GRM8: variants seen among roughly 807,000 people sequenced by gnomAD.
GRM8 encodes glutamate metabotropic receptor 8.
In GRM8, 47 loss-of-function variants were observed where a neutral mutation model predicts 87.2. The ratio of observed to expected loss-of-function variants is 0.54; its 90% CI spans 0.43 to 0.69. The LOEUF is 0.69. Ranked by LOEUF, GRM8 falls within the 30% of genes least tolerant of loss-of-function variation. The pLI is 0.00. For missense variants in GRM8, 1,019 were observed against 1,139.2 expected, an observed-to-expected ratio of 0.89 and a Z score of 1.52; for synonymous variants, 396 against 404.5, an observed-to-expected ratio of 0.98 and a Z score of 0.25.
At chr7:126,449,503 G>A (rs1802387211) in intron 9 of GRM8, among the ~76,000 whole-genome samples, 1 of 151,832 alleles carries the variant, frequency 6.6e-6, no homozygotes, top group Non-Finnish European at 1.5e-5. Flanking sequence ...CAGGAGTATA[G>A]GACAAAAGAA....
intron 9 of GRM8, among the ~76,000 whole-genome samples, chr7:126,483,080 ATATAAC>A (rs1806893961): frequency 6.7e-6 from 1 of 148,160 alleles, no homozygotes; most frequent in Non-Finnish European, 1.5e-5. Context: ...TTAGTTACAT[ATATAAC>A]TATATTTATT....
intron 9 of GRM8, among the ~76,000 whole-genome samples, chr7:126,481,155 T>C (rs1806627157): frequency 6.6e-6 from 1 of 151,934 alleles, no homozygotes; most frequent in Non-Finnish European, 1.5e-5. Flanking sequence ...AATAAATAAA[T>C]TGAAGAGAAA....
At chr7:126,476,744 C>T (rs515) in intron 9 of GRM8, among the ~76,000 whole-genome samples, 39 of 151,744 alleles carry the variant, frequency 2.6e-4, no homozygotes, top group Non-Finnish European at 4.1e-4. Flanking sequence ...AAAAAAATAA[C>T]AAATGTTGAC....
chr7:126,775,479 GTTTTTTTTTTTT>G (rs372733476), intron 6 of GRM8, among the ~76,000 whole-genome samples: 1 of 104,748 alleles, frequency 9.5e-6, no homozygotes, highest in Admixed American at 1.1e-4. Context: ...TGACAAATAG[GTTTTTTTTTTTT>G]TTTTTTTTTT....
chr7:126,632,105 T>A (rs1419025576), intron 7 of GRM8, among the ~76,000 whole-genome samples: 2 of 152,006 alleles, frequency 1.3e-5, no homozygotes, highest in African/African-American at 4.8e-5. Context: ...ACCCACAGAA[T>A]GGGAGAAAAT....
intron 6 of GRM8, among the ~76,000 whole-genome samples, chr7:126,810,426 G>T (rs28536013): frequency 0.069 from 10,492 of 152,120 alleles, 1,160 homozygotes; most frequent in African/African-American, 0.23. Flanking sequence ...TACTATAACT[G>T]CACCCATGAC....
At chr7:127,030,925 C>A (rs1817300748) in intron 3 of GRM8, among the ~76,000 whole-genome samples, 1 of 152,106 alleles carries the variant, frequency 6.6e-6, no homozygotes, top group Admixed American at 6.6e-5. Flanking sequence ...TTGGCTGACC[C>A]TCTCTGAAGA....
At chr7:127,158,043 C>T (rs1792851314) in intron 2 of GRM8, among the ~76,000 whole-genome samples, 1 of 151,948 alleles carries the variant, frequency 6.6e-6, no homozygotes, top group Admixed American at 6.6e-5. Flanking sequence ...AACAAACAAC[C>T]CCATCAAAGA....
intron 2 of GRM8, among the ~76,000 whole-genome samples, chr7:127,239,671 T>C (rs1798174675): frequency 6.6e-6 from 1 of 152,240 alleles, no homozygotes; most frequent in South Asian, 2.1e-4. Flanking sequence ...CATCCTAGCA[T>C]ATATGTATAA....
chr7:126,973,555 G>A (rs1276329399), intron 3 of GRM8, among the ~76,000 whole-genome samples: 1 of 152,140 alleles, frequency 6.6e-6, no homozygotes, highest in Non-Finnish European at 1.5e-5. Flanking sequence ...TATTATTGTT[G>A]TTAATTTTAA....
intron 3 of GRM8, among the ~76,000 whole-genome samples, chr7:127,015,196 GA>G (rs1815480381): frequency 1.3e-5 from 1 of 74,248 alleles, no homozygotes; most frequent in Admixed American, 1.4e-4. Flanking sequence ...AGAAGAAGAA[GA>G]AGAAGAAGAA....
At chr7:126,572,400 T>C (rs895461016) in intron 8 of GRM8, among the ~76,000 whole-genome samples, 1 of 152,162 alleles carries the variant, frequency 6.6e-6, no homozygotes, top group African/African-American at 2.4e-5. Context: ...CCAATGCTGA[T>C]AGATAGACAT....
At chr7:126,441,178 C>T (rs919075773) in intron 10 of GRM8, among the ~76,000 whole-genome samples, 1 of 151,948 alleles carries the variant, frequency 6.6e-6, no homozygotes, top group Admixed American at 6.6e-5. Context: ...ATCTTAGACT[C>T]TAGAGGTAAA....
Position 126,813,048 on chromosome 7 carries a change from A to T in GRM8, c.1157-42983T>A, listed in dbSNP as rs76130028. ...TGGGAGGAGTGAGAGGATCTATAAA[A>T]ATAACTAAAGGGAACTAAGCTTAAT... On this transcript the variant is annotated intron_variant, in intron 6 of 10. Coordinates refer to ENST00000339582, the MANE Select transcript of GRM8 (RefSeq NM_000845.3). 4.3e-3 allele frequency among the ~76,000 whole-genome samples: 655 copies of T among 152,170 alleles called. 5 individuals carry two copies. The highest frequency in any genetic ancestry group is 0.015 in the African/African-American group (628 of 41,546).
At chr7:126,819,563 TAATA>T (rs1194688858) in intron 6 of GRM8, among the ~76,000 whole-genome samples, 1 of 152,092 alleles carries the variant, frequency 6.6e-6, no homozygotes, top group Non-Finnish European at 1.5e-5. Context: ...CAATGTAATA[TAATA>T]AATATTCAAT....
At chr7:127,104,170 A>C (rs1262655872) in intron 3 of GRM8, among the ~76,000 whole-genome samples, 1 of 152,190 alleles carries the variant, frequency 6.6e-6, no homozygotes, top group Non-Finnish European at 1.5e-5. Context: ...CAAAGTACAG[A>C]AAACATTATG....
chr7:126,747,299 C>A (rs901720572), intron 7 of GRM8, among the ~76,000 whole-genome samples: 101 of 152,076 alleles, frequency 6.6e-4, no homozygotes, highest in South Asian at 2.7e-3. Context: ...GACAAAAAAA[C>A]CACATTTACA....
At chr7:127,111,167 G>C (rs948912426) in intron 2 of GRM8, 1 of 152,174 alleles carries the variant, frequency 6.6e-6, no homozygotes, top group Non-Finnish European at 1.5e-5. Context: ...ATAGTCATGT[G>C]CCTGGGGAGT....
chr7:126,636,666 T>A (rs1203829411), intron 7 of GRM8, among the ~76,000 whole-genome samples: 1 of 151,966 alleles, frequency 6.6e-6, no homozygotes, highest in African/African-American at 2.4e-5. Flanking sequence ...TACTTCTAGT[T>A]TTTTTTTCTG....
Sources: gnomAD v4.1 joint callset for allele counts (sites outside exome capture counted in the v4.1 genomes callset) on GRCh38, gnomAD v4.1.1 for gene constraint, MANE v1.5 for transcripts, NCBI Gene and HGNC (gene_info 2026-07-23, HGNC 2026-07-21) for gene names.